TGM6: variants seen among roughly 807,000 people sequenced by gnomAD.
The protein encoded by TGM6 is transglutaminase 6.
Under a neutral mutation model 77.5 loss-of-function variants are expected in TGM6, and 74 were observed. The ratio of observed to expected loss-of-function variants is 0.96; its 90% CI spans 0.79 to 1.16. The LOEUF is 1.16. TGM6 is among the 50% of genes most tolerant of loss of function. TGM6 has a pLI of 0.00. For synonymous variants in TGM6, 383 were observed against 378.9 expected (o/e 1.01, Z -0.12); for missense variants, 968 against 940.2 (o/e 1.03, Z -0.39).
chr20:2,395,054 T>G (rs2084653587), intron 2 of TGM6, 140 bp from the exon 3 acceptor site: 1 of 1,400,340 alleles, frequency 7.1e-7, no homozygotes, highest in Non-Finnish European at 9.7e-7. Context: ...GCCTTCTTGC[T>G]CTTTGTCAGG....
At chr20:2,390,947 G>A (rs954292455) in intron 1 of TGM6, among the ~76,000 whole-genome samples, 1 of 151,868 alleles carries the variant, frequency 6.6e-6, no homozygotes, top group Non-Finnish European at 1.5e-5. Context: ...GATGAGAGAG[G>A]GGAAGAGAAA....
In TGM6 at chr20:2,417,350, C is replaced by T. The variant is rs1484411070; in HGVS notation, c.1455C>T (p.Asp485=). ...RAGGRCLWRD[D]LLEPATKPSI... ...GGGGTCGCTGTCTCTGGCGTGACGA[C>T]CTCCTGGAGCCTGCCACCAAGCCCA... The change falls in exon 10 of 13, where the codon GAC becomes GAT. Residue 485 remains aspartate (D), a synonymous_variant. Coordinates refer to ENST00000202625, the MANE Select transcript of TGM6 (RefSeq NM_198994.3). 2 of 1,613,952 alleles carry T rather than the reference C, an allele frequency of 1.2e-6. No individual in the cohort carries two copies. Among genetic ancestry groups the T allele is most frequent in the Admixed American group, 3.3e-5 (2 of 60,014 alleles).
intron 1 of TGM6, among the ~76,000 whole-genome samples, chr20:2,381,436 C>A (rs1381573724): frequency 6.6e-6 from 1 of 152,214 alleles, no homozygotes; most frequent in Non-Finnish European, 1.5e-5. Context: ...AAGAGCAGCT[C>A]TGGCTCAAGT....
chr20:2,431,028 G>GT lies in TGM6; in HGVS notation c.1967+2dup. 1 of 1,613,992 alleles carries GT rather than the reference G, an allele frequency of 6.2e-7. No homozygotes were observed. Among genetic ancestry groups the GT allele is most frequent in the Non-Finnish European group, 8.5e-7 (1 of 1,179,966 alleles). On this transcript the variant is annotated splice_donor_variant, in intron 12 of 12. Transcript: ENST00000202625. LOFTEE classifies it high-confidence loss of function. Reference sequence around the variant, plus strand: ...TTCTCCAGGAACAGCTCAGCATCGAGTAAGTGCCAGCCTGGGGGGCTGGCA... The same window carrying GT: ...TTCTCCAGGAACAGCTCAGCATCGAGTTAAGTGCCAGCCTGGGGGGCTGGCA...
In TGM6 at chr20:2,396,510, C is replaced by T. The variant is rs1349171895; in HGVS notation, c.429C>T (p.Asp143=). ...GGCCTGATGACTGCTTTTCAGAGGA[C>T]GATGTGTTTCTGGCCTCAGAGGAGG... ...VLLFNPWCAE[D]DVFLASEEER... is the part of the protein sequence containing the mutation. Residue 143 remains aspartate, a synonymous_variant, in exon 4 of 13, where the codon GAC becomes GAT. Transcript: ENST00000202625. The T allele has an allele frequency of 1.3e-5, 21 of 1,614,012 alleles. No individual in the cohort carries two copies. The highest frequency in any genetic ancestry group is 3.3e-5 in the South Asian group (3 of 91,090).
chr20:2,417,327 G>T lies in TGM6; in HGVS notation c.1432G>T (p.Gly478Cys). 1 of 1,612,828 alleles carries T rather than the reference G, an allele frequency of 6.2e-7. No individual in the cohort carries two copies. Among genetic ancestry groups the T allele is most frequent in the Non-Finnish European group, 8.5e-7 (1 of 1,179,006 alleles). ...GAGAATCTGGATCCGCAGGGCTGGG[G>T]GTCGCTGTCTCTGGCGTGACGACCT... ...GRRIWIRRAG[G>C]RCLWRDDLLE... Residue 478 changes from glycine to cysteine, a missense_variant, in exon 10 of 13, where the codon GGT becomes TGT. Transcript: ENST00000202625.
intron 1 of TGM6, among the ~76,000 whole-genome samples, chr20:2,384,783 T>C (rs2084583010): frequency 1.3e-5 from 2 of 152,114 alleles, no homozygotes; most frequent in South Asian, 4.1e-4. Context: ...GCAGACAAGC[T>C]GGAGGGGCTA....
At chr20:2,418,922 A>G (rs998062474) in intron 10 of TGM6, among the ~76,000 whole-genome samples, 6 of 151,980 alleles carry the variant, frequency 3.9e-5, no homozygotes, top group Admixed American at 3.3e-4. Flanking sequence ...TAAAAATACA[A>G]GAAAATTAGC....
chr20:2,409,699 G>T (rs1011437674), intron 9 of TGM6, among the ~76,000 whole-genome samples: 4 of 148,780 alleles, frequency 2.7e-5, no homozygotes, highest in African/African-American at 7.5e-5. Flanking sequence ...ATCACAAAGC[G>T]AGACTGTCTC....
chr20:2,415,590 G>A (rs6036404), intron 9 of TGM6, among the ~76,000 whole-genome samples: 33,581 of 152,018 alleles, frequency 0.22, 4,284 homozygotes, highest in East Asian at 0.34. Flanking sequence ...GGTTTGATGG[G>A]GGAAGAGAGG....
chr20:2,388,697 C>A (rs1303283993), intron 1 of TGM6, among the ~76,000 whole-genome samples: 1 of 151,364 alleles, frequency 6.6e-6, no homozygotes, highest in African/African-American at 2.4e-5. Flanking sequence ...AACAGCAGTA[C>A]CTCCCTCATA....
intron 9 of TGM6, 47 bp from the exon 10 acceptor site, chr20:2,417,185 A>C (rs202165394): frequency 2.7e-5 from 41 of 1,537,538 alleles, no homozygotes; most frequent in Admixed American, 9.8e-5. Context: ...TAGTAAATTA[A>C]AGGAGCAAGG....
intron 10 of TGM6, 100 bp from the exon 11 acceptor site, chr20:2,430,346 A>T: frequency 1.4e-6 from 2 of 1,481,170 alleles, no homozygotes; most frequent in Non-Finnish European, 1.9e-6. Flanking sequence ...TGCAAGGACC[A>T]GAGAGAAAGG....
chr20:2,422,778 A>T (rs1019634377), intron 10 of TGM6, among the ~76,000 whole-genome samples: 3 of 151,824 alleles, frequency 2.0e-5, no homozygotes, highest in Admixed American at 6.6e-5. Flanking sequence ...CAAAAAAAAT[A>T]AATAAAGGAA....
At chr20:2,392,179 A>G (rs911026585) in intron 1 of TGM6, among the ~76,000 whole-genome samples, 1 of 152,212 alleles carries the variant, frequency 6.6e-6, no homozygotes, top group African/African-American at 2.4e-5. Flanking sequence ...TGTCAGGGCC[A>G]GTGCGTATTT....
intron 5 of TGM6, 71 bp from the exon 6 acceptor site, chr20:2,399,490 A>T: frequency 6.2e-7 from 1 of 1,609,480 alleles, no homozygotes; most frequent in South Asian, 1.1e-5. Flanking sequence ...GTTGGACAGG[A>T]TTTGACCACG....
intron 9 of TGM6, among the ~76,000 whole-genome samples, chr20:2,414,064 A>AT (rs1159829914): frequency 1.3e-5 from 2 of 151,890 alleles, no homozygotes; most frequent in Non-Finnish European, 2.9e-5. Flanking sequence ...AAAAAAAATA[A>AT]TTTTTTTTGA....
intron 9 of TGM6, among the ~76,000 whole-genome samples, chr20:2,410,957 T>C (rs1312603877): frequency 1.3e-5 from 2 of 152,088 alleles, no homozygotes; most frequent in Non-Finnish European, 1.5e-5. Flanking sequence ...CTAGTAATAG[T>C]TCATAATGAA....
chr20:2,432,608 G>T lies in TGM6; in HGVS notation c.2086G>T (p.Gly696Cys), dbSNP rs1327502349. 6.2e-7 allele frequency: 1 copy of T among 1,614,108 alleles called. No homozygotes were observed. Among genetic ancestry groups the T allele is most frequent in the East Asian group, 2.2e-5 (1 of 44,860 alleles). ...AAGCCCTCACTTCCCGGACATCAAG[G>T]GCTTTGTGATCGTCCATGTGGCCAC... ...LVSPHFPDIK[G>C]FVIVHVATAK is the part of the protein sequence containing the mutation. The change falls in exon 13 of 13, where the codon GGC becomes TGC. Residue 696 changes from glycine (G) to cysteine (C), a missense_variant. Gly to Cys is a radical substitution (Grantham distance 159). Transcript: ENST00000202625.
Sources: gnomAD v4.1 joint callset for allele counts (sites outside exome capture counted in the v4.1 genomes callset) on GRCh38, gnomAD v4.1.1 for gene constraint, MANE v1.5 for transcripts, NCBI Gene and HGNC (gene_info 2026-07-23, HGNC 2026-07-21) for gene names.